RRM2B: variants seen among roughly 807,000 people sequenced by gnomAD.
The protein encoded by RRM2B is ribonucleoside-diphosphate reductase subunit M2 B.
In RRM2B, 20 loss-of-function variants were observed where a neutral mutation model predicts 45.9. The observed-to-expected ratio is 0.44, with a 90% CI of 0.31 to 0.63. RRM2B has a LOEUF of 0.63. RRM2B is among the 30% of genes least tolerant of loss of function. The probability of loss-of-function intolerance (pLI) is 0.09; values close to 1 mark genes in which losing one functional copy is unlikely to be tolerated. For missense variants in RRM2B, 320 were observed against 414.7 expected (o/e 0.77, Z 1.98); for synonymous variants, 124 against 132.3 (o/e 0.94, Z 0.43).
Position 102,238,865 on chromosome 8 carries a change from G to A in RRM2B, c.10C>T (p.Pro4Ser), listed in dbSNP as rs546808337. The change falls in exon 1 of 9, where the codon CCG (proline) becomes TCG (serine). Residue 4 changes from proline (P) to serine (S), a missense_variant. Pro to Ser is a moderately conservative substitution (Grantham distance 74, BLOSUM62 -1). Coordinates refer to ENST00000251810, the MANE Select transcript of RRM2B (RefSeq NM_015713.5). Reference sequence around the variant, plus strand: ...AGCCCGGCCGCTTCCGGCCTTTCCGGGTCGCCCATCGCGCAGACTCCGCCG... The same window carrying A: ...AGCCCGGCCGCTTCCGGCCTTTCCGAGTCGCCCATCGCGCAGACTCCGCCG... The part of the protein sequence containing the change: MGD[P>S]ERPEAAGLDQ... 13 of 1,612,466 alleles carry A rather than the reference G, an allele frequency of 8.1e-6. No individual in the cohort carries two copies. In the East Asian group the frequency reaches 2.5e-4, roughly 30 times the overall value.
chr8:102,211,201 G>C (rs1810629886), intron 8 of RRM2B, among the ~76,000 whole-genome samples: 1 of 152,172 alleles, frequency 6.6e-6, no homozygotes, highest in Admixed American at 6.5e-5. Flanking sequence ...TCGCCATGTT[G>C]CCTAGGCTGG....
chr8:102,214,303 C>T, intron 6 of RRM2B, 145 bp from the exon 7 acceptor site: 2 of 671,474 alleles, frequency 3.0e-6, no homozygotes, highest in Non-Finnish European at 5.4e-6. Flanking sequence ...GGACTAGGAA[C>T]TTCCTTCTTT....
In RRM2B at chr8:102,205,508, G is replaced by C. The variant is rs1427280753; in HGVS notation, c.*2625C>G. 1 of 152,130 alleles carries C rather than the reference G, an allele frequency of 6.6e-6. No homozygotes were observed. The highest frequency in any genetic ancestry group is 6.5e-5 in the Admixed American group (1 of 15,274). 9.4% of individuals were successfully genotyped at this position (152,130 alleles called of 1,614,324 possible). A position where few individuals can be genotyped will look rare whatever the true frequency, so the allele number is the denominator to read the frequency against. On this transcript the variant is annotated 3_prime_UTR_variant, in exon 9 of 9. Transcript: ENST00000251810. ...TAATTGGACAGCAAAACCCAGTCCT[G>C]TCTAAAAGCAATGGATCAAACTGTC...
rs756223794 is a variant in RRM2B, at chr8:102,215,972, G to C, written c.685-1814C>G. ...AAAAAAAAAAAAAAAAAAAAGAATA[G>C]AATAAACGGACAGAATCTTGTAAGA... On this transcript the variant is annotated intron_variant, in intron 6 of 8. Transcript: ENST00000251810. Among the ~76,000 whole-genome samples, 7 of 128,368 alleles carry C rather than the reference G, an allele frequency of 5.5e-5. No homozygotes were observed. In the South Asian group the frequency reaches 1.7e-3, roughly 30 times the overall value. 84.2% of individuals were successfully genotyped at this position (128,368 alleles called of 152,430 possible).
chr8:102,230,343 G>C (rs189538112), intron 2 of RRM2B, among the ~76,000 whole-genome samples: 33 of 152,288 alleles, frequency 2.2e-4, no homozygotes, highest in African/African-American at 6.7e-4. Flanking sequence ...GTAGATTTCA[G>C]TTTTTAAAAA....
chr8:102,219,830 G>A (rs1269915300), intron 5 of RRM2B, among the ~76,000 whole-genome samples: 2 of 152,144 alleles, frequency 1.3e-5, no homozygotes, highest in Non-Finnish European at 2.9e-5. Context: ...GTGACATCAC[G>A]GTTTATACCT....
At chr8:102,237,646 G>C (rs574535282) in intron 1 of RRM2B, among the ~76,000 whole-genome samples, 79 of 152,316 alleles carry the variant, frequency 5.2e-4, no homozygotes, top group Non-Finnish European at 9.0e-4. Flanking sequence ...CATTGAGATA[G>C]GAGTAATAAA....
intron 1 of RRM2B, among the ~76,000 whole-genome samples, chr8:102,236,671 T>C (rs1587190040): frequency 6.6e-6 from 1 of 152,164 alleles, no homozygotes; most frequent in South Asian, 2.1e-4. Context: ...GAATGGCAGG[T>C]AAGATAGGAG....
intron 1 of RRM2B, 27 bp downstream of exon 1, chr8:102,238,800 G>T (rs1811177301): frequency 1.2e-6 from 2 of 1,613,710 alleles, no homozygotes; most frequent in Non-Finnish European, 1.7e-6. Context: ...ACTGCGGTGA[G>T]GGGGAAGACG....
chr8:102,215,715 T>C (rs987280926), intron 6 of RRM2B, among the ~76,000 whole-genome samples: 5 of 151,932 alleles, frequency 3.3e-5, no homozygotes, highest in African/African-American at 9.7e-5. Flanking sequence ...GGAGGCCAAG[T>C]TGGGAAATCA....
At chr8:102,213,094 G>A (rs1049690687) in intron 7 of RRM2B, among the ~76,000 whole-genome samples, 50 of 152,136 alleles carry the variant, frequency 3.3e-4, no homozygotes, top group African/African-American at 1.1e-3. Context: ...TCATGTTTTC[G>A]AAGAGCCAAA....
chr8:102,232,380 G>C lies in RRM2B; in HGVS notation c.49-76C>G. 7.6e-6 allele frequency: 11 copies of C among 1,444,362 alleles called. 1 individual carries two copies. In the South Asian group the frequency reaches 1.3e-4, roughly 17 times the overall value. The allele number at this position is 1,444,362 out of a possible 1,614,324, so 89.5% of individuals were successfully genotyped here. A position where few individuals can be genotyped will look rare whatever the true frequency, so the allele number is the denominator to read the frequency against. On this transcript the variant is annotated intron_variant, in intron 1 of 8. Transcript: ENST00000251810. ...ATTCATACCTAAACATACATCTAAG[G>C]AAGTCAGGGAGACGGCATTGGTTTG... is the stretch of plus-strand genomic sequence containing the variant.
chr8:102,215,944 CAAA>C (rs60059243), intron 6 of RRM2B, among the ~76,000 whole-genome samples: 5 of 75,714 alleles, frequency 6.6e-5, no homozygotes, highest in Non-Finnish European at 9.6e-5. Flanking sequence ...GACCCTGTCT[CAAA>C]AAAAAAAAAA....
At chr8:102,238,787 G>A (rs1461196081) in intron 1 of RRM2B, 40 bp downstream of exon 1, 4 of 1,613,654 alleles carry the variant, frequency 2.5e-6, no homozygotes, top group Non-Finnish European at 3.4e-6. Flanking sequence ...ACGGGCTGGC[G>A]TGACTGCGGT....
chr8:102,222,177 G>A (rs1171255938), intron 5 of RRM2B, among the ~76,000 whole-genome samples: 1 of 151,644 alleles, frequency 6.6e-6, no homozygotes, highest in African/African-American at 2.4e-5. Flanking sequence ...CTGGGCTTAA[G>A]TGGTCCTCCT....
intron 1 of RRM2B, among the ~76,000 whole-genome samples, chr8:102,234,092 A>G (rs28999688): frequency 0.035 from 5,279 of 152,278 alleles, 152 homozygotes; most frequent in Admixed American, 0.082. Flanking sequence ...ATATACTCAA[A>G]GTATGAAAGT....
At chr8:102,235,295 G>C (rs1811100234) in intron 1 of RRM2B, among the ~76,000 whole-genome samples, 1 of 152,158 alleles carries the variant, frequency 6.6e-6, no homozygotes, top group South Asian at 2.1e-4. Flanking sequence ...ATTTGAATTT[G>C]GGACAAGGGG....
rs1253284038 is a variant in RRM2B at position 102,232,289 on chromosome 8, T to C, written c.64A>G (p.Thr22Ala). Reference protein sequence around the residue: ...LDQDERSSSDTNESEIKSNEE... With the variant: ...LDQDERSSSDANESEIKSNEE... ...TTTGACTTTATTTCACTTTCGTTGG[T>C]GTCTGAAGATGATCTCTTTGAAAAA... Residue 22 changes from threonine to alanine, a missense_variant, in exon 2 of 9, where the codon ACC becomes GCC. Physicochemically the swap from Thr to Ala is moderately conservative, Grantham distance 58. Transcript: ENST00000251810. The C allele has an allele frequency of 6.2e-7, 1 of 1,614,144 alleles. No homozygotes were observed. Among genetic ancestry groups the C allele is most frequent in the Non-Finnish European group, 8.5e-7 (1 of 1,179,960 alleles).
chr8:102,211,840 C>G (rs1810641094), intron 8 of RRM2B, among the ~76,000 whole-genome samples: 1 of 152,164 alleles, frequency 6.6e-6, no homozygotes, highest in Non-Finnish European at 1.5e-5. Context: ...CTACGCCCCA[C>G]TTGACTTTTT....
Sources: allele counts gnomAD v4.1 joint callset (sites outside exome capture counted in the v4.1 genomes callset), GRCh38; gene constraint gnomAD v4.1.1; transcripts MANE v1.5; gene names NCBI Gene and HGNC (gene_info 2026-07-23, HGNC 2026-07-21).